Variants in PRIM2 observed in about 807,000 individuals in gnomAD.
PRIM2 encodes the protein DNA primase subunit 2.
In PRIM2, 39 loss-of-function variants were observed where a neutral mutation model predicts 67.3. The ratio of observed to expected loss-of-function variants is 0.58; its 90% CI spans 0.45 to 0.76. The LOEUF is 0.76. Among genes scored for constraint, PRIM2 ranks in the 30% least tolerant of loss-of-function variants. The probability of loss-of-function intolerance (pLI) is 0.00; values close to 1 mark genes in which losing one functional copy is unlikely to be tolerated. For missense variants in PRIM2, 398 were observed against 598.7 expected, an observed-to-expected ratio of 0.66 and a Z score of 3.50; for synonymous variants, 143 against 198.7, an observed-to-expected ratio of 0.72 and a Z score of 2.36.
rs1259624261 is a variant in PRIM2, at chr6:57,575,368, C to CACAA, written c.1021-25724_1021-25721dup. On this transcript the variant is annotated intron_variant, in intron 10 of 13. Coordinates refer to ENST00000615550, the MANE Select transcript of PRIM2 (RefSeq NM_000947.5). ...AAAGGGAGGCTGGTAGACTGCTGAA[C>CACAA]ACAACTATGATGTATTTGCTTTTTC... 5.9e-5 allele frequency among the ~76,000 whole-genome samples: 9 copies of CACAA among 152,278 alleles called. No individual in the cohort carries two copies. The East Asian group carries it at 1.7e-3, about 29-fold the overall frequency.
chr6:57,450,355 A>G (rs1772503543), intron 7 of PRIM2, among the ~76,000 whole-genome samples: 1 of 152,196 alleles, frequency 6.6e-6, no homozygotes, highest in Non-Finnish European at 1.5e-5. Flanking sequence ...TACCATTTGA[A>G]TTTACTAAAG....
chr6:57,620,409 C>A (rs1329557916), intron 12 of PRIM2, among the ~76,000 whole-genome samples: 1 of 152,148 alleles, frequency 6.6e-6, no homozygotes, highest in South Asian at 2.1e-4. Context: ...GCCCTATCTA[C>A]AGCCTCCTCA....
intron 7 of PRIM2, among the ~76,000 whole-genome samples, chr6:57,458,777 A>T (rs1477738070): frequency 6.6e-6 from 1 of 152,226 alleles, no homozygotes; most frequent in East Asian, 1.9e-4. Flanking sequence ...CCTAGCTACT[A>T]GGCATTCACT....
chr6:57,324,347 G>A, intron 4 of PRIM2, 67 bp downstream of exon 4: 1 of 981,092 alleles, frequency 1.0e-6, no homozygotes, highest in South Asian at 1.4e-5. Context: ...TGTGTGGTAA[G>A]TTGATGTGTT....
At chr6:57,386,150 A>G (rs1468189894) in intron 7 of PRIM2, among the ~76,000 whole-genome samples, 2 of 151,364 alleles carry the variant, frequency 1.3e-5, no homozygotes, top group Non-Finnish European at 2.9e-5. Context: ...CTTTGGGAGG[A>G]GGAGGTGGGA....
chr6:57,382,164 T>C lies in PRIM2; in HGVS notation c.689T>C (p.Leu230Ser). 12 of 1,611,890 alleles carry C rather than the reference T, an allele frequency of 7.4e-6. No homozygotes were observed. Among genetic ancestry groups the C allele is most frequent in the Non-Finnish European group, 1.0e-5 (12 of 1,178,692 alleles). Residue 230 changes from leucine (L) to serine (S), a missense_variant, in exon 7 of 14, where the codon TTG becomes TCG. Physicochemically the swap from Leu to Ser is moderately radical, Grantham distance 145 (BLOSUM62 -2). Coordinates refer to ENST00000615550, the MANE Select transcript of PRIM2 (RefSeq NM_000947.5). ...TTTAGAGCCAAACTGTCCAAGGCTT[T>C]GGCAGTGAGTATTTTACTTGATTTC... ...NEFRAKLSKA[L>S]ALTARSLPAV...
At chr6:57,589,666 T>G (rs1198819656) in intron 10 of PRIM2, among the ~76,000 whole-genome samples, 1 of 152,162 alleles carries the variant, frequency 6.6e-6, no homozygotes, top group African/African-American at 2.4e-5. Context: ...TCTAGGGCTG[T>G]TTTTAGATGG....
chr6:57,631,101 G>A (rs1232351175), intron 12 of PRIM2, among the ~76,000 whole-genome samples: 1 of 152,130 alleles, frequency 6.6e-6, no homozygotes, highest in Non-Finnish European at 1.5e-5. Flanking sequence ...TGTCAGTATT[G>A]TATAATGCCT....
intron 10 of PRIM2, among the ~76,000 whole-genome samples, chr6:57,577,282 G>C (rs1396184544): frequency 4.6e-5 from 7 of 152,130 alleles, no homozygotes; most frequent in Non-Finnish European, 8.8e-5. Context: ...ACATCTTACT[G>C]TGTGCATTTG....
chr6:57,439,654 A>G (rs1772137839), intron 7 of PRIM2, among the ~76,000 whole-genome samples: 1 of 151,760 alleles, frequency 6.6e-6, no homozygotes, highest in Admixed American at 6.6e-5. Context: ...ACCTCAAGCA[A>G]TCCACCCTCC....
upstream of PRIM2, among the ~76,000 whole-genome samples, chr6:57,311,785 G>A (rs369731247): frequency 1.3e-5 from 2 of 152,076 alleles, no homozygotes; most frequent in East Asian, 1.9e-4. Flanking sequence ...CCAGCACCTC[G>A]GGAGGCGGAG....
the PRIM2 span, among the ~76,000 whole-genome samples, chr6:57,297,262 C>T: frequency 6.6e-6 from 1 of 151,706 alleles, no homozygotes; most frequent in Non-Finnish European, 1.5e-5. Context: ...GCTAACATGG[C>T]GAAACCCTGC....
chr6:57,460,056 C>G (rs868299009), intron 7 of PRIM2, among the ~76,000 whole-genome samples: 2,494 of 152,212 alleles, frequency 0.016, 72 homozygotes, highest in African/African-American at 0.056. Context: ...GCCTTGTTCT[C>G]CATGCTTTTT....
intron 7 of PRIM2, among the ~76,000 whole-genome samples, chr6:57,479,673 C>T (rs1220379221): frequency 4.6e-5 from 7 of 152,264 alleles, no homozygotes; most frequent in African/African-American, 1.2e-4. Context: ...CATTCAAATG[C>T]GCCACTGTCC....
chr6:57,403,736 T>G (rs1265624195), intron 7 of PRIM2, among the ~76,000 whole-genome samples: 2 of 152,150 alleles, frequency 1.3e-5, no homozygotes, highest in African/African-American at 4.8e-5. Flanking sequence ...ATAGAAATAA[T>G]TTTTAGAGGA....
chr6:57,435,553 C>A (rs1348866666), intron 7 of PRIM2, among the ~76,000 whole-genome samples: 8 of 152,188 alleles, frequency 5.3e-5, no homozygotes, highest in Non-Finnish European at 1.2e-4. Context: ...GTATGGACTT[C>A]TGAAATATGG....
At chr6:57,269,204 G>A in the PRIM2 span, among the ~76,000 whole-genome samples, 2 of 151,180 alleles carry the variant, frequency 1.3e-5, no homozygotes, top group African/African-American at 2.4e-5. Context: ...CTGAGGAATC[G>A]CCACACTGAC....
chr6:57,288,850 C>T, the PRIM2 span, among the ~76,000 whole-genome samples: 1 of 152,292 alleles, frequency 6.6e-6, no homozygotes, highest in East Asian at 1.9e-4. Context: ...TGGGGAGAAA[C>T]CAGAGCAGAA....
the PRIM2 span, among the ~76,000 whole-genome samples, chr6:57,273,976 AT>A: frequency 1.3e-5 from 2 of 152,272 alleles, no homozygotes; most frequent in East Asian, 3.9e-4. Flanking sequence ...CTGCCTGATC[AT>A]TCCTTTGGAA....
Sources: gnomAD v4.1 joint callset for allele counts (sites outside exome capture counted in the v4.1 genomes callset) on GRCh38, gnomAD v4.1.1 for gene constraint, MANE v1.5 for transcripts, NCBI Gene and HGNC (gene_info 2026-07-23, HGNC 2026-07-21) for gene names.